Variants in GSE1 observed in about 807,000 individuals in gnomAD.
GSE1 encodes the protein Gse1 coiled-coil protein.
Under a neutral mutation model 112.6 loss-of-function variants are expected in GSE1, and 32 were observed. The observed-to-expected ratio is 0.28, with a 90% confidence interval of 0.21 to 0.38. The LOEUF (loss-of-function observed/expected upper bound fraction) is 0.38. Among genes scored for constraint, GSE1 ranks in the 10% least tolerant of loss-of-function variants. The probability of loss-of-function intolerance (pLI) is 1.00; values close to 1 mark genes in which losing one functional copy is unlikely to be tolerated. For synonymous variants in GSE1, 1,115 were observed against 735.6 expected, an observed-to-expected ratio of 1.52 and a Z score of -8.35; for missense variants, 2,348 against 1,699.2, an observed-to-expected ratio of 1.38 and a Z score of -6.71.
intron 1 of GSE1, among the ~76,000 whole-genome samples, chr16:85,349,340 T>G (rs1169515572): frequency 6.6e-6 from 1 of 152,132 alleles, no homozygotes; most frequent in Non-Finnish European, 1.5e-5. Flanking sequence ...ACACACTAGC[T>G]TGCAGCACAG....
chr16:85,399,208 G>T (rs1459120530), intron 2 of GSE1, among the ~76,000 whole-genome samples: 1 of 152,040 alleles, frequency 6.6e-6, no homozygotes, highest in Admixed American at 6.6e-5. Flanking sequence ...TGGTGCTGTG[G>T]GGAGCCCTCC....
At chr16:85,199,321 A>G (rs1166720453) in intron 1 of GSE1, among the ~76,000 whole-genome samples, 1 of 152,082 alleles carries the variant, frequency 6.6e-6, no homozygotes, top group Non-Finnish European at 1.5e-5. Context: ...CCTGGACTCA[A>G]GCAATCCTCC....
chr16:85,457,846 A>G (rs1246001142), intron 2 of GSE1, among the ~76,000 whole-genome samples: 1 of 152,190 alleles, frequency 6.6e-6, no homozygotes, highest in East Asian at 1.9e-4. Flanking sequence ...AGCAACCAAC[A>G]TTTATTAAGG....
At chr16:85,500,998 G>GTTTTTTTTTTTTTTTTTTTTTTTTTTT (rs55650214) in intron 2 of GSE1, among the ~76,000 whole-genome samples, 2 of 64,838 alleles carry the variant, frequency 3.1e-5, no homozygotes, top group African/African-American at 1.3e-4. Flanking sequence ...GGCCTGTTCT[G>GTTTTTTTTTTTTTTTTTTTTTTTTTTT]TTTTTTTTTT....
intron 1 of GSE1, among the ~76,000 whole-genome samples, chr16:85,338,428 G>A (rs977025265): frequency 7.9e-5 from 12 of 152,186 alleles, no homozygotes; most frequent in Admixed American, 6.5e-4. Context: ...TCTGTGTGAC[G>A]TGAGGCAGCT....
Position 85,224,301 on chromosome 16 carries a change from C to CAAAAA in GSE1, c.2283+52520_2283+52524dup, listed in dbSNP as rs55755242. ...TGAAACCCTATCTCTACTAAAAATA[C>CAAAAA]AAAAAAAAAAAAAAAAAAAAAAAAA... On this transcript the variant is annotated intron_variant, in intron 1 of 2. Coordinates refer to the GSE1 transcript ENST00000637419. Among the ~76,000 whole-genome samples, 67 of 38,806 alleles carry CAAAAA rather than the reference C, an allele frequency of 1.7e-3. 3 individuals carry two copies. The highest frequency in any genetic ancestry group is 4.4e-3 in the African/African-American group (41 of 9,214). The allele number at this position is 38,806 out of a possible 152,430, so 25.5% of individuals were successfully genotyped here. A position where few individuals can be genotyped will look rare whatever the true frequency, so the allele number is the denominator to read the frequency against.
chr16:85,332,673 A>C (rs970429218), intron 1 of GSE1, among the ~76,000 whole-genome samples: 1 of 151,714 alleles, frequency 6.6e-6, no homozygotes, highest in Admixed American at 6.6e-5. Flanking sequence ...CACCGAGGGG[A>C]CTGGATGGTG....
chr16:85,173,055 G>C (rs547890025), intron 1 of GSE1, among the ~76,000 whole-genome samples: 1 of 152,178 alleles, frequency 6.6e-6, no homozygotes, highest in Middle Eastern at 3.2e-3. Context: ...GTCGTCTCCC[G>C]TCACAGATGC....
chr16:85,175,419 G>A (rs984264646), intron 1 of GSE1, among the ~76,000 whole-genome samples: 2 of 152,236 alleles, frequency 1.3e-5, no homozygotes, highest in African/African-American at 4.8e-5. Context: ...CTTAAGACAA[G>A]CCTGGCTTCA....
intron 11 of GSE1, among the ~76,000 whole-genome samples, chr16:85,663,919 C>T (rs973811659): frequency 7.2e-5 from 11 of 152,254 alleles, no homozygotes; most frequent in African/African-American, 1.9e-4. Flanking sequence ...GACCACCAGG[C>T]GTGAGGGGAG....
intron 2 of GSE1, among the ~76,000 whole-genome samples, chr16:85,389,149 A>G (rs2047773596): frequency 1.3e-5 from 2 of 152,196 alleles, no homozygotes; most frequent in Non-Finnish European, 2.9e-5. Flanking sequence ...GCATTCTGAT[A>G]GAGCAGAACC....
In GSE1 at chr16:85,312,468, C is replaced by T. The variant is rs114509514; in HGVS notation, c.2284-44995C>T. Reference sequence around the variant, plus strand: ...TGTATTGCCCCGATCTCTGCCTCTCCTTCACGTGGCCTCCTCACTCTTTGT... The same window carrying T: ...TGTATTGCCCCGATCTCTGCCTCTCTTTCACGTGGCCTCCTCACTCTTTGT... On this transcript the variant is annotated intron_variant, in intron 1 of 2. Coordinates refer to the GSE1 transcript ENST00000637419. Among the ~76,000 whole-genome samples, 322 of 152,346 alleles carry T rather than the reference C, an allele frequency of 2.1e-3. 3 individuals carry two copies. Among genetic ancestry groups the T allele is most frequent in the African/African-American group, 7.3e-3 (302 of 41,582 alleles).
intron 1 of GSE1, among the ~76,000 whole-genome samples, chr16:85,586,655 C>A (rs956376544): frequency 1.3e-5 from 2 of 152,214 alleles, no homozygotes; most frequent in African/African-American, 4.8e-5. Flanking sequence ...CCCCGACTGC[C>A]GTGCTCCATG....
intron 2 of GSE1, among the ~76,000 whole-genome samples, chr16:85,443,310 C>G (rs1297462580): frequency 6.6e-6 from 1 of 152,238 alleles, no homozygotes; most frequent in Non-Finnish European, 1.5e-5. Flanking sequence ...TCCCTTTGGT[C>G]CCTGTACCCC....
At chr16:85,645,886 A>T (rs1397383736) in intron 2 of GSE1, among the ~76,000 whole-genome samples, 3 of 151,160 alleles carry the variant, frequency 2.0e-5, no homozygotes, top group East Asian at 2.0e-4. Context: ...CTATGCATGC[A>T]TTCTACCATG....
At chr16:85,307,771 C>G (rs1031046039) in intron 1 of GSE1, among the ~76,000 whole-genome samples, 1 of 152,220 alleles carries the variant, frequency 6.6e-6, no homozygotes, top group African/African-American at 2.4e-5. Flanking sequence ...CACCATGAAT[C>G]TTATCATTAG....
At chr16:85,497,370 C>G (rs570016366) in intron 2 of GSE1, among the ~76,000 whole-genome samples, 1 of 152,310 alleles carries the variant, frequency 6.6e-6, no homozygotes, top group African/African-American at 2.4e-5. Flanking sequence ...GAGTGAGAGG[C>G]TTCAGCCCTG....
At chr16:85,190,535 C>T (rs1052373838) in intron 1 of GSE1, among the ~76,000 whole-genome samples, 1 of 152,260 alleles carries the variant, frequency 6.6e-6, no homozygotes, top group Admixed American at 6.5e-5. Flanking sequence ...ATATGAGTGT[C>T]TGTTGAGAAT....
intron 2 of GSE1, among the ~76,000 whole-genome samples, chr16:85,542,432 C>T (rs970816346): frequency 1.3e-5 from 2 of 152,348 alleles, no homozygotes; most frequent in East Asian, 3.9e-4. Flanking sequence ...GGGGCAGAAC[C>T]GTGCTGGGAC....
Sources: allele counts gnomAD v4.1 joint callset (sites outside exome capture counted in the v4.1 genomes callset), GRCh38; gene constraint gnomAD v4.1.1; transcripts MANE v1.5; gene names NCBI Gene and HGNC (gene_info 2026-07-23, HGNC 2026-07-21).